Variants in SPATA20 observed in about 807,000 individuals in gnomAD.
SPATA20 encodes spermatogenesis associated 20.
Under a neutral mutation model 98.9 loss-of-function variants are expected in SPATA20, and 74 were observed. That is an observed-to-expected ratio of 0.75 (90% CI 0.62 to 0.91). SPATA20 has a LOEUF of 0.91. Among genes scored for constraint, SPATA20 ranks in the 40% least tolerant of loss-of-function variants. The pLI, the probability that SPATA20 is intolerant of heterozygous loss-of-function variation, is 0.00. For synonymous variants in SPATA20, 430 were observed against 440.5 expected (o/e 0.98, Z 0.30); for missense variants, 1,016 against 1,069.8 (o/e 0.95, Z 0.70).
chr17:50,554,581 G>A, intron 15 of SPATA20, 131 bp downstream of exon 15: 1 of 886,096 alleles, frequency 1.1e-6, no homozygotes, highest in Non-Finnish European at 1.8e-6. Context: ...GCAGGCACGT[G>A]GCCTGTCAGA....
chr17:50,548,129 C>A, intron 2 of SPATA20, 154 bp from the exon 3 acceptor site: 1 of 1,498,332 alleles, frequency 6.7e-7, no homozygotes. Context: ...AGGGGGAGCA[C>A]AAAGGCCACA....
Position 50,549,485 on chromosome 17 carries a change from C to T in SPATA20, c.860C>T (p.Pro287Leu), listed in dbSNP as rs199827135. 33 of 1,611,010 alleles carry T rather than the reference C, an allele frequency of 2.0e-5. No homozygotes were observed. Among genetic ancestry groups the T allele is most frequent in the Admixed American group, 1.8e-4 (11 of 59,942 alleles). ...GFAEAPKFPTPVILSFLFSYW... is the reference protein window; with the variant it reads ...GFAEAPKFPTLVILSFLFSYW... ...GCTGAGGCCCCCAAGTTTCCCACGC[C>T]GGGTCAGTGCCCCACGCCCGCCTTA... Residue 287 changes from proline to leucine, a missense_variant and splice_region_variant, in exon 7 of 17, where the codon CCG (proline) becomes CTG (leucine). Physicochemically the swap from Pro to Leu is moderately conservative, Grantham distance 98. Transcript: ENST00000006658.
chr17:50,550,431 T>C lies in SPATA20; in HGVS notation c.1099-105T>C, dbSNP rs576048597. On this transcript the variant is annotated intron_variant, in intron 9 of 16. Coordinates refer to ENST00000006658, the MANE Select transcript of SPATA20 (RefSeq NM_022827.4). Reference sequence around the variant, plus strand: ...CCCCTGTTCCCTCCCATGTACCCACTACCCAGGCTTCCCTCCCCCGCCTGC... The same window carrying C: ...CCCCTGTTCCCTCCCATGTACCCACCACCCAGGCTTCCCTCCCCCGCCTGC... The C allele has an allele frequency of 1.1e-3, 1,522 of 1,375,904 alleles. 3 individuals carry two copies. The highest frequency in any genetic ancestry group is 1.5e-3 in the Non-Finnish European group (1,467 of 969,128). 85.2% of individuals were successfully genotyped at this position (1,375,904 alleles called of 1,614,324 possible). A position where few individuals can be genotyped will look rare whatever the true frequency, so the allele number is the denominator to read the frequency against.
chr17:50,555,752 C>T lies in SPATA20; in HGVS notation c.*90C>T. The stretch of plus-strand genomic sequence containing the variant: ...CTGCAGGGCCCTATAGAACCTGTGG[C>T]CATCCCTGAGCACCCTGCCACCAGG... On this transcript the variant is annotated 3_prime_UTR_variant, in exon 17 of 17. Coordinates refer to ENST00000006658, the MANE Select transcript of SPATA20 (RefSeq NM_022827.4). The T allele has an allele frequency of 1.6e-6, 2 of 1,236,038 alleles. No individual in the cohort carries two copies. The highest frequency in any genetic ancestry group is 2.9e-5 in the South Asian group (2 of 68,844). 76.6% of individuals were successfully genotyped at this position (1,236,038 alleles called of 1,614,324 possible). A position where few individuals can be genotyped will look rare whatever the true frequency, so the allele number is the denominator to read the frequency against.
At chr17:50,550,427 C>T (rs1052663275) in intron 9 of SPATA20, 109 bp from the exon 10 acceptor site, 97 of 1,376,164 alleles carry the variant, frequency 7.0e-5, no homozygotes, top group Non-Finnish European at 8.8e-5. Flanking sequence ...TCCCATGTAC[C>T]CACTACCCAG....
At position 50,551,035 on chromosome 17, in the gene SPATA20, C is replaced by A. The variant is rs1490162480; in HGVS notation, c.1421C>A (p.Thr474Asn). ...GAGCTGCAGGGCCAGAATGTGCTGA[C>A]CGTCCGGTACTCGCTGGAGCTGACT... ...KGELQGQNVL[T>N]VRYSLELTAA... Residue 474 changes from threonine (T) to asparagine (N), a missense_variant, in exon 12 of 17, where the codon ACC becomes AAC. Thr to Asn is a moderately conservative substitution (Grantham distance 65). Transcript: ENST00000006658. The A allele has an allele frequency of 6.2e-7, 1 of 1,613,434 alleles. No homozygotes were observed. Among genetic ancestry groups the A allele is most frequent in the South Asian group, 1.1e-5 (1 of 91,086 alleles).
chr17:50,554,347 G>A lies in SPATA20; in HGVS notation c.2054G>A (p.Cys685Tyr). 1 of 1,614,230 alleles carries A rather than the reference G, an allele frequency of 6.2e-7. No individual in the cohort carries two copies. The highest frequency in any genetic ancestry group is 8.5e-7 in the Non-Finnish European group (1 of 1,180,046). ...GGCCACAAGGACTGGATGGACAAGTGTGTGTGCCTATTGACCGCCTTTTCC... is the reference window on the plus strand; with the variant it reads ...GGCCACAAGGACTGGATGGACAAGTATGTGTGCCTATTGACCGCCTTTTCC... ...FTGHKDWMDK[C>Y]VCLLTAFSER... The change falls in exon 15 of 17, where the codon TGT becomes TAT. Residue 685 changes from cysteine (C) to tyrosine (Y), a missense_variant. Cys to Tyr is a radical substitution (Grantham distance 194). Transcript: ENST00000006658.
At chr17:50,548,031 T>C (rs1391047823) in intron 2 of SPATA20, 2 of 1,473,600 alleles carry the variant, frequency 1.4e-6, no homozygotes, top group Non-Finnish European at 1.8e-6. Flanking sequence ...CAGCCATCCT[T>C]CCCACCGCCA....
intron 4 of SPATA20, 56 bp from the exon 5 acceptor site, chr17:50,548,754 C>T (rs776119931): frequency 1.3e-6 from 2 of 1,595,534 alleles, no homozygotes; most frequent in Non-Finnish European, 1.7e-6. Flanking sequence ...GCCACTTGGC[C>T]AGCCTCCCTC....
intron 14 of SPATA20, 51 bp from the exon 15 acceptor site, chr17:50,554,200 G>A (rs1382699697): frequency 6.4e-7 from 1 of 1,562,112 alleles, no homozygotes. Flanking sequence ...AGGGTCCTGG[G>A]ACTCAGTGAC....
chr17:50,552,275 G>A, intron 14 of SPATA20, 95 bp downstream of exon 14: 1 of 1,006,122 alleles, frequency 9.9e-7, no homozygotes, highest in Non-Finnish European at 1.5e-6. Flanking sequence ...CTGGCTTTGT[G>A]TCTCTGCTAC....
intron 15 of SPATA20, 123 bp downstream of exon 15, chr17:50,554,573 A>C (rs2035069145): frequency 1.0e-6 from 1 of 975,206 alleles, no homozygotes; most frequent in African/African-American, 1.6e-5. Flanking sequence ...GTGTGTGTGC[A>C]GGCACGTGGC....
chr17:50,548,940 C>G lies in SPATA20; in HGVS notation c.492C>G (p.Asp164Glu). 6.2e-7 allele frequency: 1 copy of G among 1,614,164 alleles called. No homozygotes were observed. The highest frequency in any genetic ancestry group is 8.5e-7 in the Non-Finnish European group (1 of 1,180,014). Residue 164 changes from aspartate (D) to glutamate (E), a missense_variant, in exon 5 of 17, where the codon GAC becomes GAG. By Grantham distance (45) the Asp-to-Glu change is conservative. Transcript: ENST00000006658. ...ACCGTGAGGAGCGGCCTGACGTGGA[C>G]AAGGTGTACATGACGTTCGTGCAGG... is the stretch of plus-strand genomic sequence containing the variant. ...KVDREERPDV[D>E]KVYMTFVQAT...
chr17:50,550,359 C>A, intron 9 of SPATA20, 47 bp downstream of exon 9: 1 of 1,483,056 alleles, frequency 6.7e-7, no homozygotes, highest in Non-Finnish European at 9.3e-7. Flanking sequence ...ACTCTGGCTG[C>A]CCCTCCCAAG....
rs2034967786 is a variant in SPATA20, at chr17:50,549,186, G to A, written c.660G>A (p.Gln220=). The A allele has an allele frequency of 6.3e-7, 1 of 1,594,414 alleles. No individual in the cohort carries two copies. The highest frequency in any genetic ancestry group is 1.3e-5 in the African/African-American group (1 of 74,600). ...FRTVLLRIRE[Q]WKQNKNTLLE... is the part of the protein sequence containing the mutation. ...CAGTGTTGCTGAGAATACGAGAACA[G>A]GTGGGTGTGCCTCCGGGAGTTGGGG... The change falls in exon 6 of 17, where the codon CAG becomes CAA. Residue 220 remains glutamine (Q), a splice_region_variant and synonymous_variant. Coordinates refer to ENST00000006658, the MANE Select transcript of SPATA20 (RefSeq NM_022827.4).
In SPATA20 at chr17:50,550,955, C is replaced by G. The variant is rs543119144; in HGVS notation, c.1383+38C>G. ...GGGGTCACCTGACGGGCCCTGGTGC[C>G]TGCCAGGCGTGTGAGCTCGCAGACA... On this transcript the variant is annotated intron_variant, in intron 11 of 16. Coordinates refer to ENST00000006658, the MANE Select transcript of SPATA20 (RefSeq NM_022827.4). 3 of 1,612,114 alleles carry G rather than the reference C, an allele frequency of 1.9e-6. No homozygotes were observed. The Admixed American group carries it at 5.0e-5, about 27-fold the overall frequency.
rs200444256 is a variant in SPATA20, at chr17:50,554,258, T to C, written c.1965T>C (p.Asp655=). The C allele has an allele frequency of 4.3e-6, 7 of 1,614,060 alleles. No individual in the cohort carries two copies. Among genetic ancestry groups the C allele is most frequent in the Admixed American group, 3.3e-5 (2 of 60,022 alleles). ...GLPLRLKDDQ[D]GAEPSANSVS... is the part of the protein sequence containing the mutation. Reference sequence around the variant, plus strand: ...CCTCCCTATGTGCTGTAGACCAGGATGGAGCAGAGCCCAGCGCCAATTCCG... The same window carrying C: ...CCTCCCTATGTGCTGTAGACCAGGACGGAGCAGAGCCCAGCGCCAATTCCG... Residue 655 remains aspartate, a synonymous_variant, in exon 15 of 17, where the codon GAT becomes GAC. Coordinates refer to ENST00000006658, the MANE Select transcript of SPATA20 (RefSeq NM_022827.4).
Position 50,555,485 on chromosome 17 carries a change from G to C in SPATA20, c.2239-7G>C, listed in dbSNP as rs2035103893. The C allele has an allele frequency of 1.2e-6, 2 of 1,613,648 alleles. No individual in the cohort carries two copies. The highest frequency in any genetic ancestry group is 2.7e-5 in the African/African-American group (2 of 74,872). ...AGGTGACTCTCCCTGCTCTGCTGCT[G>C]CCCTAGGTGCTGATTCTGGCTGATG... On this transcript the variant is annotated splice_region_variant and splice_polypyrimidine_tract_variant and intron_variant, in intron 16 of 16. Coordinates refer to ENST00000006658, the MANE Select transcript of SPATA20 (RefSeq NM_022827.4).
In SPATA20 at chr17:50,548,338, A is replaced by G. The variant is rs141082701; in HGVS notation, c.181A>G (p.Met61Val). The G allele has an allele frequency of 1.2e-5, 19 of 1,613,778 alleles. 1 individual carries two copies. The South Asian group carries it at 1.6e-4, about 14-fold the overall frequency. Residue 61 changes from methionine to valine, a missense_variant, in exon 3 of 17, where the codon ATG (methionine) becomes GTG (valine). Met to Val is a conservative substitution (Grantham distance 21). Coordinates refer to ENST00000006658, the MANE Select transcript of SPATA20 (RefSeq NM_022827.4). ...TGCGACGGTCAGTAGTTCAGTGCCC[A>G]TGCCTGCTGGAGGGAAAGGAAGCCA... ...RSATVSSSVP[M>V]PAGGKGSHPS... is the part of the protein sequence containing the mutation.
Sources: allele counts gnomAD v4.1 joint callset, GRCh38; gene constraint gnomAD v4.1.1; transcripts MANE v1.5; gene names NCBI Gene and HGNC (gene_info 2026-07-23, HGNC 2026-07-21).